E2F5: variants seen among roughly 807,000 people sequenced by gnomAD.
E2F5 encodes transcription factor E2F5.
E2F5 carries 23 observed loss-of-function variants against 39.1 expected under a neutral mutation model. The ratio of observed to expected loss-of-function variants is 0.59; its 90% CI spans 0.42 to 0.83. The LOEUF (loss-of-function observed/expected upper bound fraction) is 0.83, where lower values mean the gene tolerates loss of function less well. Ranked by LOEUF, E2F5 falls within the 40% of genes least tolerant of loss-of-function variation. E2F5 has a pLI of 0.00. For synonymous variants in E2F5, 145 were observed against 157.8 expected, an observed-to-expected ratio of 0.92 and a Z score of 0.61; for missense variants, 365 against 406.7, an observed-to-expected ratio of 0.90 and a Z score of 0.88.
intron 1 of E2F5, among the ~76,000 whole-genome samples, chr8:85,199,772 A>G (rs377614646): frequency 1.7e-4 from 26 of 152,366 alleles, no homozygotes; most frequent in African/African-American, 6.0e-4. Context: ...TAATCACTAT[A>G]CAGTAGACAT....
Position 85,177,464 on chromosome 8 carries a change from C to G in E2F5, c.44C>G (p.Ala15Gly). The G allele has an allele frequency of 2.0e-6, 2 of 1,004,300 alleles. No individual in the cohort carries two copies. Among genetic ancestry groups the G allele is most frequent in the Non-Finnish European group, 2.4e-6 (2 of 843,884 alleles). The allele number at this position is 1,004,300 out of a possible 1,614,324, so 62.2% of individuals were successfully genotyped here. A position where few individuals can be genotyped will look rare whatever the true frequency, so the allele number is the denominator to read the frequency against. The change falls in exon 1 of 8, where the codon GCA becomes GGA. Residue 15 changes from alanine to glycine, a missense_variant. Coordinates refer to ENST00000416274, the MANE Select transcript of E2F5 (RefSeq NM_001951.4). The stretch of plus-strand genomic sequence containing the variant: ...GCGAGCTCGGGCCAGCAGGCGCCGG[C>G]AGGGCAGGGGCAGGGCCAGCGGCCG... ...EPASSGQQAP[A>G]GQGQGQRPPP...
intron 1 of E2F5, among the ~76,000 whole-genome samples, chr8:85,188,983 A>G (rs1272071776): frequency 1.3e-5 from 2 of 152,242 alleles, no homozygotes; most frequent in East Asian, 3.9e-4. Flanking sequence ...AAGGTATGTT[A>G]TAGTATGGAT....
chr8:85,180,652 A>ACTGCAAGCTCCGCCTCC (rs1170809985), intron 1 of E2F5, among the ~76,000 whole-genome samples: 5 of 131,832 alleles, frequency 3.8e-5, no homozygotes, highest in Non-Finnish European at 6.2e-5. Flanking sequence ...ATCTCGGCTC[A>ACTGCAAGCTCCGCCTCC]CTGCAAGCTC....
At chr8:85,198,073 A>T (rs1812618165) in intron 1 of E2F5, among the ~76,000 whole-genome samples, 1 of 152,136 alleles carries the variant, frequency 6.6e-6, no homozygotes, top group East Asian at 1.9e-4. Context: ...ATAAAAATCA[A>T]CCAGAAGGAA....
At chr8:85,177,775 C>G (rs949251369) in intron 1 of E2F5, 121 bp downstream of exon 1, 3 of 1,143,410 alleles carry the variant, frequency 2.6e-6, no homozygotes, top group Admixed American at 4.8e-5. Flanking sequence ...GACCCGGGAC[C>G]GGGCAATCCG....
chr8:85,196,186 A>G (rs1369516255), intron 1 of E2F5, among the ~76,000 whole-genome samples: 1 of 152,100 alleles, frequency 6.6e-6, no homozygotes, highest in Non-Finnish European at 1.5e-5. Flanking sequence ...TCTTTAAAGT[A>G]AGTTATTTAT....
intron 1 of E2F5, among the ~76,000 whole-genome samples, chr8:85,182,813 T>C (rs2089453339): frequency 6.6e-6 from 1 of 152,248 alleles, no homozygotes; most frequent in South Asian, 2.1e-4. Flanking sequence ...TTATCTCTTT[T>C]ATTATAATTC....
chr8:85,182,473 A>G (rs1185374224), intron 1 of E2F5, among the ~76,000 whole-genome samples: 1 of 152,218 alleles, frequency 6.6e-6, no homozygotes, highest in Non-Finnish European at 1.5e-5. Flanking sequence ...GTAGTCTTCA[A>G]AAATAAATGT....
At position 85,177,399 on chromosome 8, in the gene E2F5, A is replaced by G. The variant is rs1456960084; in HGVS notation, c.-22A>G. On this transcript the variant is annotated 5_prime_UTR_variant, in exon 1 of 8. Transcript: ENST00000416274. ...GCGAGCGAAAGTGCGCGGGGGCCCG[A>G]CCACCGCGGGGCCGGGACGCGATGG... The G allele has an allele frequency of 2.0e-6, 2 of 987,118 alleles. No individual in the cohort carries two copies. The highest frequency in any genetic ancestry group is 5.1e-4 in the Middle Eastern group (1 of 1,946). The allele number at this position is 987,118 out of a possible 1,614,324, so 61.1% of individuals were successfully genotyped here.
At position 85,213,734 on chromosome 8, in the gene E2F5, AT is replaced by A. The variant is rs1813011728; in HGVS notation, c.932-16del. 7.2e-7 allele frequency: 1 copy of A among 1,385,200 alleles called. No homozygotes were observed. The allele number at this position is 1,385,200 out of a possible 1,614,324, so 85.8% of individuals were successfully genotyped here. On this transcript the variant is annotated intron_variant, in intron 7 of 7. Coordinates refer to ENST00000416274, the MANE Select transcript of E2F5 (RefSeq NM_001951.4). ...ATGTAGAAACCATCTTTAACACTAA[AT>A]TTGTTTTTTGTTCGCAGTGTTTCCT... is the stretch of plus-strand genomic sequence containing the variant.
chr8:85,188,328 T>G (rs1219494742), intron 1 of E2F5, among the ~76,000 whole-genome samples: 1 of 151,744 alleles, frequency 6.6e-6, no homozygotes, highest in African/African-American at 2.4e-5. Flanking sequence ...TTTTTTTTTT[T>G]TTTTTTTGGA....
chr8:85,206,160 A>G lies in E2F5; in HGVS notation c.507-17A>G. 1 of 1,611,792 alleles carries G rather than the reference A, an allele frequency of 6.2e-7. No homozygotes were observed. The highest frequency in any genetic ancestry group is 1.1e-5 in the South Asian group (1 of 90,896). On this transcript the variant is annotated splice_polypyrimidine_tract_variant and intron_variant, in intron 3 of 7. Coordinates refer to ENST00000416274, the MANE Select transcript of E2F5 (RefSeq NM_001951.4). ...CGGCTTGATATAAATGTCGTTCCTT[A>G]ACTCCTATGACAGTACATTTTCCTA... is the stretch of plus-strand genomic sequence containing the variant.
intron 1 of E2F5, 152 bp from the exon 2 acceptor site, chr8:85,201,995 A>G: frequency 1.6e-6 from 1 of 644,202 alleles, no homozygotes; most frequent in Admixed American, 3.0e-5. Context: ...AGTGTTTGGG[A>G]GATGCTTTGA....
chr8:85,182,689 G>A (rs1251133459), intron 1 of E2F5, among the ~76,000 whole-genome samples: 5 of 152,168 alleles, frequency 3.3e-5, no homozygotes, highest in Admixed American at 1.3e-4. Context: ...TCATGACTAT[G>A]TATCTGTATG....
At chr8:85,199,694 AAC>A (rs1268321214) in intron 1 of E2F5, among the ~76,000 whole-genome samples, 2 of 152,226 alleles carry the variant, frequency 1.3e-5, no homozygotes, top group African/African-American at 4.8e-5. Context: ...ACCAATCTTA[AAC>A]ACAGTCTTAC....
chr8:85,198,212 C>T (rs1812621766), intron 1 of E2F5, among the ~76,000 whole-genome samples: 1 of 152,134 alleles, frequency 6.6e-6, no homozygotes, highest in Non-Finnish European at 1.5e-5. Flanking sequence ...GAATTCACAT[C>T]CTGCCTTCCC....
At chr8:85,181,271 A>G (rs978188962) in intron 1 of E2F5, among the ~76,000 whole-genome samples, 1 of 152,104 alleles carries the variant, frequency 6.6e-6, no homozygotes, top group African/African-American at 2.4e-5. Flanking sequence ...CATAGATGCT[A>G]TTTCTTTTCT....
intron 4 of E2F5, among the ~76,000 whole-genome samples, chr8:85,206,847 G>T (rs1324446379): frequency 6.6e-6 from 1 of 152,138 alleles, no homozygotes; most frequent in Non-Finnish European, 1.5e-5. Context: ...TATTTAAAAA[G>T]ATTCTGCCAA....
intron 1 of E2F5, among the ~76,000 whole-genome samples, chr8:85,191,158 C>T (rs1262860465): frequency 4.0e-5 from 6 of 151,858 alleles, no homozygotes; most frequent in Non-Finnish European, 8.8e-5. Flanking sequence ...GTTTTTGACG[C>T]CATAGAAGAA....
Sources: gnomAD v4.1 joint callset for allele counts (sites outside exome capture counted in the v4.1 genomes callset) on GRCh38, gnomAD v4.1.1 for gene constraint, MANE v1.5 for transcripts, NCBI Gene and HGNC (gene_info 2026-07-23, HGNC 2026-07-21) for gene names.